The following DYM variants were observed in gnomAD, a reference collection of about 807,000 sequenced individuals.
The protein encoded by DYM is dyggve-Melchior-Clausen syndrome protein.
DYM carries 78 observed loss-of-function variants against 93.1 expected under a neutral mutation model. The ratio of observed to expected loss-of-function variants is 0.84; its 90% CI spans 0.70 to 1.01. DYM has a LOEUF of 1.01. Ranked by LOEUF, DYM falls within the 50% of genes least tolerant of loss-of-function variation. DYM has a pLI of 0.00. For missense variants in DYM, 789 were observed against 845.0 expected (o/e 0.93, Z 0.82); for synonymous variants, 321 against 319.7 (o/e 1.00, Z -0.04).
intron 14 of DYM, among the ~76,000 whole-genome samples, chr18:49,181,534 T>C (rs938233002): frequency 6.6e-6 from 1 of 152,162 alleles, no homozygotes; most frequent in Non-Finnish European, 1.5e-5. Context: ...GCATGATACT[T>C]ACCAGGTGAA....
intron 13 of DYM, among the ~76,000 whole-genome samples, chr18:49,241,785 G>T (rs1207189183): frequency 6.6e-6 from 1 of 152,162 alleles, no homozygotes; most frequent in Admixed American, 6.5e-5. Context: ...GAAGGTAGGG[G>T]CTGACAATCT....
chr18:49,315,621 T>A (rs911932578), intron 8 of DYM, among the ~76,000 whole-genome samples: 4 of 152,206 alleles, frequency 2.6e-5, no homozygotes, highest in African/African-American at 9.7e-5. Context: ...GACGTGATTT[T>A]AAAAAATCTT....
chr18:49,237,183 A>T (rs1331597032), intron 13 of DYM, among the ~76,000 whole-genome samples: 2 of 152,104 alleles, frequency 1.3e-5, no homozygotes, highest in Non-Finnish European at 2.9e-5. Context: ...CAAGAAATGG[A>T]GGTGGGTCTC....
At chr18:49,156,984 G>A (rs1164542707) in intron 15 of DYM, among the ~76,000 whole-genome samples, 1 of 151,894 alleles carries the variant, frequency 6.6e-6, no homozygotes. Flanking sequence ...TGGTTGACAG[G>A]AAGCCTGCCA....
intron 17 of DYM, among the ~76,000 whole-genome samples, chr18:49,045,487 G>T (rs1358518890): frequency 6.6e-6 from 1 of 152,214 alleles, no homozygotes; most frequent in African/African-American, 2.4e-5. Flanking sequence ...CCATTCATTT[G>T]TTCATTCACT....
Position 49,036,903 on chromosome 18 carries a change from TTTTA to T in DYM, c.*7148_*7151del, listed in dbSNP as rs564369739. 2.0e-5 allele frequency among the ~76,000 whole-genome samples: 3 copies of T among 152,132 alleles called. No homozygotes were observed. The highest frequency in any genetic ancestry group is 4.8e-5 in the African/African-American group (2 of 41,422). On this transcript the variant is annotated 3_prime_UTR_variant, in exon 18 of 18. Coordinates refer to ENST00000675505, the MANE Select transcript of DYM (RefSeq NM_001353214.3). Reference sequence around the variant, plus strand: ...CAGTCTTTTAAGGGGTTATGAATTCTTTTATTTATTTATTTTGGGACGGAGTCTC... The same window carrying T: ...CAGTCTTTTAAGGGGTTATGAATTCTTTTATTTATTTTGGGACGGAGTCTC...
At chr18:49,171,951 C>T (rs944769623) in intron 14 of DYM, among the ~76,000 whole-genome samples, 1 of 152,040 alleles carries the variant, frequency 6.6e-6, no homozygotes, top group South Asian at 2.1e-4. Flanking sequence ...TTCATGTAAT[C>T]CATCACTACA....
intron 2 of DYM, among the ~76,000 whole-genome samples, chr18:49,395,436 C>A (rs1029788233): frequency 6.6e-6 from 1 of 151,996 alleles, no homozygotes; most frequent in Admixed American, 6.6e-5. Context: ...TCAAGACCAG[C>A]CTGACCAACA....
chr18:49,396,901 T>G (rs1028212891), intron 2 of DYM, among the ~76,000 whole-genome samples: 2 of 152,174 alleles, frequency 1.3e-5, no homozygotes, highest in African/African-American at 4.8e-5. Flanking sequence ...ATAGTGGTAC[T>G]GAAGGCTGGG....
intron 8 of DYM, among the ~76,000 whole-genome samples, chr18:49,331,048 T>G (rs1014071663): frequency 4.6e-5 from 7 of 152,160 alleles, no homozygotes; most frequent in African/African-American, 1.7e-4. Flanking sequence ...ATCAAACTGA[T>G]GTCCAGCTGG....
chr18:49,047,596 C>T (rs1261040737), intron 17 of DYM, among the ~76,000 whole-genome samples: 2 of 152,180 alleles, frequency 1.3e-5, no homozygotes, highest in Non-Finnish European at 2.9e-5. Context: ...TCCTGAAGTC[C>T]CCTTGCACCC....
chr18:49,370,452 T>C (rs1419900337), intron 5 of DYM, among the ~76,000 whole-genome samples: 2 of 151,862 alleles, frequency 1.3e-5, no homozygotes, highest in Admixed American at 6.6e-5. Context: ...ATTTAAAAAA[T>C]AAATAAACAA....
chr18:49,178,432 C>T (rs1360301078), intron 14 of DYM, among the ~76,000 whole-genome samples: 1 of 152,106 alleles, frequency 6.6e-6, no homozygotes, highest in East Asian at 1.9e-4. Context: ...TTACTTCAAA[C>T]TCCTAAAAGT....
intron 8 of DYM, among the ~76,000 whole-genome samples, chr18:49,301,747 T>C (rs1274322875): frequency 1.3e-5 from 2 of 152,146 alleles, no homozygotes; most frequent in Non-Finnish European, 1.5e-5. Context: ...ATATTAGAGC[T>C]TTGTTTTTCA....
intron 1 of DYM, among the ~76,000 whole-genome samples, chr18:49,431,074 A>C (rs910530701): frequency 2.0e-5 from 3 of 152,186 alleles, no homozygotes; most frequent in African/African-American, 7.2e-5. Flanking sequence ...TTTTACAACC[A>C]AAACAATGGT....
intron 13 of DYM, among the ~76,000 whole-genome samples, chr18:49,240,735 T>A (rs1023031126): frequency 5.3e-5 from 8 of 152,190 alleles, no homozygotes; most frequent in Admixed American, 2.0e-4. Flanking sequence ...ATCAGAAAAG[T>A]GGCTAGTTCA....
chr18:49,225,461 G>A (rs1329904136), intron 13 of DYM, among the ~76,000 whole-genome samples: 2 of 152,008 alleles, frequency 1.3e-5, no homozygotes, highest in Non-Finnish European at 2.9e-5. Flanking sequence ...AAAATATATT[G>A]AAGGGAACAA....
At chr18:49,109,286 C>A (rs181283746) in intron 16 of DYM, among the ~76,000 whole-genome samples, 1 of 152,028 alleles carries the variant, frequency 6.6e-6, no homozygotes, top group Admixed American at 6.5e-5. Context: ...TGTTGTTGTT[C>A]CACTATTATT....
At chr18:49,157,130 G>C (rs72923816) in intron 15 of DYM, among the ~76,000 whole-genome samples, 1 of 151,998 alleles carries the variant, frequency 6.6e-6, no homozygotes, top group African/African-American at 2.4e-5. Flanking sequence ...TGGGGTTCAG[G>C]TACACGCTGT....
Sources: gnomAD v4.1 joint callset for allele counts (sites outside exome capture counted in the v4.1 genomes callset) on GRCh38, gnomAD v4.1.1 for gene constraint, MANE v1.5 for transcripts, NCBI Gene and HGNC (gene_info 2026-07-23, HGNC 2026-07-21) for gene names.